The following CPLANE1 variants were observed in gnomAD, a reference collection of about 807,000 sequenced individuals.
The protein encoded by CPLANE1 is ciliogenesis and planar polarity effector 1.
Under a neutral mutation model 362.5 loss-of-function variants are expected in CPLANE1, and 263 were observed. The observed-to-expected ratio is 0.73, with a 90% confidence interval of 0.66 to 0.80. The LOEUF (loss-of-function observed/expected upper bound fraction) is 0.80. Among genes scored for constraint, CPLANE1 ranks in the 30% least tolerant of loss-of-function variants. The probability of loss-of-function intolerance (pLI) is 0.00; values close to 1 mark genes in which losing one functional copy is unlikely to be tolerated. For synonymous variants in CPLANE1, 1,212 were observed against 1,302.6 expected (o/e 0.93, Z 1.50); for missense variants, 3,461 against 3,793.4 (o/e 0.91, Z 2.30).
the CPLANE1 span, among the ~76,000 whole-genome samples, chr5:37,086,315 T>G: frequency 6.6e-6 from 1 of 152,184 alleles, no homozygotes; most frequent in Admixed American, 6.5e-5. Context: ...AAAACGAGCC[T>G]CAATAAATTT....
intron 33 of CPLANE1, 66 bp from the exon 34 acceptor site, chr5:37,169,627 C>A (rs1409446317): frequency 2.9e-6 from 4 of 1,386,896 alleles, no homozygotes; most frequent in East Asian, 2.4e-5. Flanking sequence ...TTGTAAATGG[C>A]ATTCAGTATG....
chr5:37,157,263 A>G, intron 41 of CPLANE1, 50 bp downstream of exon 41: 2 of 1,157,384 alleles, frequency 1.7e-6, no homozygotes, highest in African/African-American at 1.6e-5. Flanking sequence ...CTTGTTTCCA[A>G]TACAACAGTA....
In CPLANE1 at chr5:37,245,755, G is replaced by T. The variant is rs921380949; in HGVS notation, c.172C>A (p.Gln58Lys). The T allele has an allele frequency of 2.6e-6, 4 of 1,538,128 alleles. No individual in the cohort carries two copies. The highest frequency in any genetic ancestry group is 3.5e-6 in the Non-Finnish European group (4 of 1,142,732). The change falls in exon 3 of 53, where the codon CAG becomes AAG. Residue 58 changes from glutamine to lysine, a missense_variant. Gln to Lys is a moderately conservative substitution (Grantham distance 53). Around this residue, in one of 2 missense-constraint regions of CPLANE1, gnomAD observed 3,380 missense variants for 3,666.1 expected, o/e 0.92. Transcript: ENST00000651892. ...ACAATAACATCCTTCAAGAAAGGCT[G>T]CAGACTAGGAATTTTCTTCTTTATC... ...GKIKKKIPSLQPFLKDVIVLT... is the reference protein window; with the variant it reads ...GKIKKKIPSLKPFLKDVIVLT...
Position 37,230,958 on chromosome 5 carries a change from G to A in CPLANE1, c.1030C>T (p.Gln344Ter). ...GTAATTAATGTTAGCAATTCACCTT[G>A]GCAGGTCAATAAAACCAGAGAGCCA... ...KRGSLVLLTCQGELLTLITFG... is the reference protein window; with the variant it reads ...KRGSLVLLTC Residue 344 changes from glutamine (Q) to a stop codon, truncating the protein, a stop_gained, in exon 9 of 53, where the codon CAA (glutamine) becomes TAA (stop). Transcript: ENST00000651892. LOFTEE classifies it high-confidence loss of function. 2 of 1,550,852 alleles carry A rather than the reference G, an allele frequency of 1.3e-6. No individual in the cohort carries two copies. The highest frequency in any genetic ancestry group is 1.2e-5 in the South Asian group (1 of 83,818).
At position 37,205,307 on chromosome 5, in the gene CPLANE1, T is replaced by A. The variant is rs2150116304; in HGVS notation, c.3289+8A>T. 1.3e-6 allele frequency: 2 copies of A among 1,547,602 alleles called. No individual in the cohort carries two copies. The highest frequency in any genetic ancestry group is 1.7e-6 in the Non-Finnish European group (2 of 1,145,554). ...TGACACGAATCAGACTATACATACA[T>A]AACACACCTGTAAACTGTTTATATT... On this transcript the variant is annotated splice_region_variant and intron_variant, in intron 18 of 52. Transcript: ENST00000651892.
chr5:37,191,725 T>G (rs1785602778), intron 21 of CPLANE1, among the ~76,000 whole-genome samples: 1 of 152,180 alleles, frequency 6.6e-6, no homozygotes, highest in African/African-American at 2.4e-5. Context: ...GTCCCAGTAC[T>G]CAAGGGGCTG....
At chr5:37,109,096 T>A (rs976266587) in intron 51 of CPLANE1, among the ~76,000 whole-genome samples, 5 of 152,088 alleles carry the variant, frequency 3.3e-5, no homozygotes, top group Non-Finnish European at 7.4e-5. Flanking sequence ...AAAGCCAATA[T>A]CACAGCATGT....
intron 32 of CPLANE1, among the ~76,000 whole-genome samples, chr5:37,171,010 C>T (rs1248286916): frequency 6.6e-6 from 1 of 152,174 alleles, no homozygotes; most frequent in African/African-American, 2.4e-5. Flanking sequence ...AAGCAGTACA[C>T]AGGTGAAGAG....
Position 37,165,389 on chromosome 5 carries a change from G to T in CPLANE1, c.7533+150C>A, listed in dbSNP as rs1027380980. The T allele has an allele frequency of 1.1e-5, 8 of 720,228 alleles. No homozygotes were observed. The South Asian group carries it at 1.4e-4, about 12-fold the overall frequency. The allele number at this position is 720,228 out of a possible 1,614,324, so 44.6% of individuals were successfully genotyped here. A position where few individuals can be genotyped will look rare whatever the true frequency, so the allele number is the denominator to read the frequency against. On this transcript the variant is annotated intron_variant, in intron 36 of 52. Coordinates refer to ENST00000651892, the MANE Select transcript of CPLANE1 (RefSeq NM_001384732.1). ...CTCTATGTCTACTGCTCTGTGGAGG[G>T]AGGCAGCAGGGACTGATATACTGAA...
chr5:37,208,180 A>C (rs1363779757), intron 16 of CPLANE1, among the ~76,000 whole-genome samples: 1 of 152,104 alleles, frequency 6.6e-6, no homozygotes, highest in African/African-American at 2.4e-5. Context: ...AAACTCCTGA[A>C]CTCAAGCAAT....
At chr5:37,121,589 C>T in intron 49 of CPLANE1, 28 bp downstream of exon 49, 3 of 1,609,004 alleles carry the variant, frequency 1.9e-6, no homozygotes, top group Non-Finnish European at 2.6e-6. Flanking sequence ...CGTTATCTTG[C>T]CAAATGGCAT....
At position 37,183,373 on chromosome 5, in the gene CPLANE1, TGTC is replaced by T. The variant is rs1275735543; in HGVS notation, c.4805_4807del (p.Arg1602del). On this transcript the variant is annotated inframe_deletion, in exon 26 of 53. Coordinates refer to ENST00000651892, the MANE Select transcript of CPLANE1 (RefSeq NM_001384732.1). ...ATTCTGGCTTTTAGTTTTGCTCTGATGTCGTTTTAATGTTGTATGTACATCAAA... is the reference window on the plus strand; with the variant it reads ...ATTCTGGCTTTTAGTTTTGCTCTGATGTTTTAATGTTGTATGTACATCAAA... 2.5e-6 allele frequency: 4 copies of T among 1,612,806 alleles called. No homozygotes were observed. Among genetic ancestry groups the T allele is most frequent in the Non-Finnish European group, 3.4e-6 (4 of 1,179,638 alleles).
intron 48 of CPLANE1, 120 bp downstream of exon 48, chr5:37,122,310 T>A: frequency 1.3e-6 from 1 of 796,676 alleles, no homozygotes. Context: ...ATAACTCCCA[T>A]AATTCTCTGT....
In CPLANE1 at chr5:37,153,821, C is replaced by T. The variant is rs766837329; in HGVS notation, c.8292G>A (p.Gln2764=). 105 of 1,613,988 alleles carry T rather than the reference C, an allele frequency of 6.5e-5. 3 individuals are homozygous for T. In the South Asian group the frequency reaches 1.1e-3, roughly 17 times the overall value. Residue 2764 remains glutamine, a synonymous_variant, in exon 42 of 53, where the codon CAG becomes CAA. Coordinates refer to ENST00000651892, the MANE Select transcript of CPLANE1 (RefSeq NM_001384732.1). ...LSAKLQKIDE[Q]LLAIQNIAEN... ...CAGCAATGTTCTGTATTGCTAGCAA[C>T]TGCTCGTCAATTTTCTGAAGCTTAG...
At chr5:37,231,132 G>A in intron 8 of CPLANE1, 83 bp from the exon 9 acceptor site, 1 of 1,004,000 alleles carries the variant, frequency 1.0e-6, no homozygotes, top group Non-Finnish European at 1.3e-6. Flanking sequence ...ACCAAGCAGA[G>A]GTGTGAAAGT....
Position 37,247,686 on chromosome 5 carries a change from A to G in CPLANE1, c.13T>C (p.Leu5=). The G allele has an allele frequency of 6.5e-7, 1 of 1,549,872 alleles. No homozygotes were observed. Among genetic ancestry groups the G allele is most frequent in the Non-Finnish European group, 8.7e-7 (1 of 1,145,386 alleles). The change falls in exon 2 of 53, where the codon TTA becomes CTA. Residue 5 remains leucine (L), a synonymous_variant. Transcript: ENST00000651892. Reference sequence around the variant, plus strand: ...ATACCTGTTGATGTCAAGATTTCTAATCTTATCTCCATGTTTGTTAAGCTA... The same window carrying G: ...ATACCTGTTGATGTCAAGATTTCTAGTCTTATCTCCATGTTTGTTAAGCTA... MEIR[L]EILTSTGIKQ... is the part of the protein sequence containing the mutation.
chr5:37,240,610 C>T (rs1391903548), intron 6 of CPLANE1, among the ~76,000 whole-genome samples: 1 of 152,158 alleles, frequency 6.6e-6, no homozygotes, highest in Non-Finnish European at 1.5e-5. Flanking sequence ...AACACCAAGC[C>T]ATTCATGAGG....
rs1763761883 is a variant in CPLANE1, at chr5:37,125,059, A to G, written c.8958+185T>C. The stretch of plus-strand genomic sequence containing the variant: ...TAAGATAATTCAGTATAACTTGGTT[A>G]GCACAATATGCTGCAACATTTTAAG... On this transcript the variant is annotated intron_variant, in intron 47 of 52. Coordinates refer to ENST00000651892, the MANE Select transcript of CPLANE1 (RefSeq NM_001384732.1). The G allele has an allele frequency of 2.9e-6, 4 of 1,361,858 alleles. No individual in the cohort carries two copies. The South Asian group carries it at 5.4e-5, about 18-fold the overall frequency. The allele number at this position is 1,361,858 out of a possible 1,614,324, so 84.4% of individuals were successfully genotyped here.
intron 21 of CPLANE1, among the ~76,000 whole-genome samples, chr5:37,195,524 C>A (rs1787116653): frequency 6.6e-6 from 1 of 151,504 alleles, no homozygotes; most frequent in South Asian, 2.1e-4. Context: ...TAGGTTCAGC[C>A]CAGGAGGTGT....
Sources: gnomAD v4.1 joint callset for allele counts (sites outside exome capture counted in the v4.1 genomes callset) on GRCh38, gnomAD v4.1.1 for gene constraint, gnomAD v4.1.1 regional missense constraint, MANE v1.5 for transcripts, NCBI Gene and HGNC (gene_info 2026-07-23, HGNC 2026-07-21) for gene names.